DOCK1: variants seen among roughly 807,000 people sequenced by gnomAD.
The protein encoded by DOCK1 is dedicator of cytokinesis protein 1.
A neutral mutation model predicts 262.7 loss-of-function variants in DOCK1; 138 were observed. That is an observed-to-expected ratio of 0.53 (90% CI 0.46 to 0.61). The LOEUF is 0.61. Ranked by LOEUF, DOCK1 falls within the 20% of genes least tolerant of loss-of-function variation. The probability of loss-of-function intolerance (pLI) is 0.00; values close to 1 mark genes in which losing one functional copy is unlikely to be tolerated. For missense variants in DOCK1, 1,908 were observed against 2,370.7 expected (o/e 0.80, Z 4.05); for synonymous variants, 866 against 867.4 (o/e 1.00, Z 0.03).
At chr10:127,065,860 A>G (rs965164730) in intron 23 of DOCK1, among the ~76,000 whole-genome samples, 37 of 151,922 alleles carry the variant, frequency 2.4e-4, no homozygotes, top group Non-Finnish European at 3.7e-4. Context: ...ATCTCGAAAA[A>G]AAAATGATAA....
chr10:127,338,265 A>G (rs1381041749), intron 29 of DOCK1, among the ~76,000 whole-genome samples: 2 of 152,242 alleles, frequency 1.3e-5, no homozygotes, highest in Non-Finnish European at 2.9e-5. Flanking sequence ...CAAGCGTTAT[A>G]AAACAAATCT....
chr10:127,361,506 G>A (rs544850197), intron 32 of DOCK1, among the ~76,000 whole-genome samples: 2 of 152,262 alleles, frequency 1.3e-5, no homozygotes, highest in African/African-American at 2.4e-5. Context: ...CTCAGATTCC[G>A]GCGCCTTGAT....
chr10:127,104,961 C>T (rs533706250), intron 23 of DOCK1, among the ~76,000 whole-genome samples: 70 of 152,252 alleles, frequency 4.6e-4, no homozygotes, highest in Non-Finnish European at 8.8e-4. Flanking sequence ...TGTCCCCACC[C>T]AAATCTCATC....
chr10:127,305,536 A>T (rs2061841990), intron 29 of DOCK1, among the ~76,000 whole-genome samples: 1 of 152,216 alleles, frequency 6.6e-6, no homozygotes, highest in South Asian at 2.1e-4. Context: ...AAGGGCACAC[A>T]GTGTGGGAGA....
intron 44 of DOCK1, among the ~76,000 whole-genome samples, chr10:127,417,562 G>T (rs1329233432): frequency 6.6e-6 from 1 of 152,098 alleles, no homozygotes; most frequent in Non-Finnish European, 1.5e-5. Context: ...CGACCCCAGG[G>T]GCCATGAGCT....
At chr10:127,265,198 T>C (rs2060310502) in intron 29 of DOCK1, among the ~76,000 whole-genome samples, 2 of 152,204 alleles carry the variant, frequency 1.3e-5, no homozygotes, top group Non-Finnish European at 2.9e-5. Flanking sequence ...ACCTGATCCA[T>C]TCAGTCTTGT....
chr10:127,070,590 T>A lies in DOCK1; in HGVS notation c.2445+8814T>A, dbSNP rs961074155. ...TTGAAGGACACAGTTTCACCCACGG[T>A]AGACGTCATCGTGGACGTCAGTGTA... On this transcript the variant is annotated intron_variant, in intron 23 of 51. Transcript: ENST00000623213. 5.3e-5 allele frequency among the ~76,000 whole-genome samples: 8 copies of A among 152,004 alleles called. 1 individual carries two copies. Among genetic ancestry groups the A allele is most frequent in the South Asian group, 4.2e-4 (2 of 4,802 alleles).
At chr10:127,354,625 G>A in intron 31 of DOCK1, 44 bp from the exon 32 acceptor site, 2 of 1,610,070 alleles carry the variant, frequency 1.2e-6, no homozygotes, top group Non-Finnish European at 1.7e-6. Flanking sequence ...ATTTTCAAAT[G>A]CCTTCCGGAG....
intron 43 of DOCK1, among the ~76,000 whole-genome samples, chr10:127,413,557 G>C (rs1411299748): frequency 6.6e-6 from 1 of 152,240 alleles, no homozygotes; most frequent in Non-Finnish European, 1.5e-5. Flanking sequence ...GACCTGGCAA[G>C]GGGTGACTGA....
At chr10:127,315,144 G>A (rs1408724626) in intron 29 of DOCK1, among the ~76,000 whole-genome samples, 3 of 152,152 alleles carry the variant, frequency 2.0e-5, no homozygotes, top group Admixed American at 6.5e-5. Context: ...TTGGCATGGC[G>A]GAGAGCTGCC....
intron 27 of DOCK1, among the ~76,000 whole-genome samples, chr10:127,190,461 A>C (rs967096445): frequency 6.6e-6 from 1 of 152,178 alleles, no homozygotes; most frequent in Admixed American, 6.5e-5. Flanking sequence ...TAGCCTCATT[A>C]AATATTTATT....
chr10:127,372,755 A>T (rs1003626357), intron 33 of DOCK1, among the ~76,000 whole-genome samples: 2 of 152,226 alleles, frequency 1.3e-5, no homozygotes, highest in African/African-American at 4.8e-5. Flanking sequence ...AGACCCTTGC[A>T]TACATGCCCA....
chr10:127,024,901 T>C, intron 15 of DOCK1, 118 bp downstream of exon 15: 1 of 787,448 alleles, frequency 1.3e-6, no homozygotes, highest in South Asian at 2.3e-5. Flanking sequence ...AGGCAGAGTG[T>C]CTCCCAACAA....
intron 27 of DOCK1, among the ~76,000 whole-genome samples, chr10:127,163,029 T>A (rs1176960541): frequency 6.6e-6 from 1 of 152,196 alleles, no homozygotes; most frequent in Non-Finnish European, 1.5e-5. Context: ...CGGGCCCGGC[T>A]TCTCTCTTCC....
chr10:127,317,814 C>A (rs1186027672), intron 29 of DOCK1, among the ~76,000 whole-genome samples: 2 of 152,138 alleles, frequency 1.3e-5, no homozygotes, highest in African/African-American at 4.8e-5. Context: ...CTTGCCTGTT[C>A]TTGGTGTTCT....
intron 21 of DOCK1, among the ~76,000 whole-genome samples, chr10:127,045,829 T>G (rs1310428524): frequency 6.6e-6 from 1 of 152,194 alleles, no homozygotes; most frequent in African/African-American, 2.4e-5. Flanking sequence ...ATGGAGCTGC[T>G]GCAGGCTCCT....
chr10:127,387,965 T>G (rs1013025079), intron 38 of DOCK1, among the ~76,000 whole-genome samples: 41 of 151,842 alleles, frequency 2.7e-4, no homozygotes, highest in Admixed American at 6.6e-5. Flanking sequence ...TTCAGTACAG[T>G]GGTTCTCAAC....
At chr10:127,319,099 GAAGAA>G (rs1461278029) in intron 29 of DOCK1, among the ~76,000 whole-genome samples, 6 of 152,176 alleles carry the variant, frequency 3.9e-5, no homozygotes, top group African/African-American at 1.2e-4. Flanking sequence ...CAACAAAGGA[GAAGAA>G]AAGAAAACGA....
At chr10:127,364,782 T>C (rs2064806878) in intron 33 of DOCK1, among the ~76,000 whole-genome samples, 1 of 152,096 alleles carries the variant, frequency 6.6e-6, no homozygotes, top group South Asian at 2.1e-4. Context: ...CTGGAATGAG[T>C]GGTGTTAGTA....
Sources: allele counts gnomAD v4.1 joint callset (sites outside exome capture counted in the v4.1 genomes callset), GRCh38; gene constraint gnomAD v4.1.1; transcripts MANE v1.5; gene names NCBI Gene and HGNC (gene_info 2026-07-23, HGNC 2026-07-21).